UNC13A: variants seen among roughly 807,000 people sequenced by gnomAD.
The protein encoded by UNC13A is protein unc-13 homolog A.
UNC13A carries 61 observed loss-of-function variants against 219.7 expected under a neutral mutation model. The observed-to-expected ratio is 0.28, with a 90% CI of 0.23 to 0.34. The LOEUF (loss-of-function observed/expected upper bound fraction) is 0.34. UNC13A is among the 10% of genes least tolerant of loss of function. UNC13A has a pLI of 1.00. For missense variants in UNC13A, 1,476 were observed against 2,270.3 expected, an observed-to-expected ratio of 0.65 and a Z score of 7.11; for synonymous variants, 920 against 884.6, an observed-to-expected ratio of 1.04 and a Z score of -0.71.
intron 38 of UNC13A, 77 bp downstream of exon 38, chr19:17,620,616 G>A: frequency 1.4e-6 from 2 of 1,392,546 alleles, no homozygotes; most frequent in Admixed American, 4.1e-5. Context: ...ACGAACCACA[G>A]AGGTGGAAGG....
chr19:17,628,373 T>C (rs2076806261), intron 31 of UNC13A: 1 of 199,430 alleles, frequency 5.0e-6, no homozygotes, highest in South Asian at 8.7e-5. Flanking sequence ...CACTCAGACA[T>C]GCACAGCCAG....
chr19:17,623,616 G>A (rs976028304), intron 35 of UNC13A, 69 bp from the exon 36 acceptor site: 88 of 836,408 alleles, frequency 1.1e-4, no homozygotes, highest in Non-Finnish European at 1.4e-4. Context: ...TCCCGGGAAG[G>A]CCAGGGAGGG....
intron 26 of UNC13A, among the ~76,000 whole-genome samples, chr19:17,634,140 T>C (rs924176303): frequency 6.6e-6 from 1 of 152,146 alleles, no homozygotes; most frequent in African/African-American, 2.4e-5. Context: ...CATCCGTCCA[T>C]CCTTCCATCA....
intron 1 of UNC13A, among the ~76,000 whole-genome samples, chr19:17,679,150 C>A (rs10422436): frequency 0.17 from 25,882 of 151,712 alleles, 2,375 homozygotes; most frequent in South Asian, 0.26. Flanking sequence ...ATCTGTAATC[C>A]CAGCACTTTG....
At position 17,626,805 on chromosome 19, in the gene UNC13A, G is replaced by A. The variant is rs777060364; in HGVS notation, c.3921-20C>T. ...TGGAAGCTGGGGACACAGAAGGGAAGGGCTCAGACCACAGGAAGGGCTGGA... is the reference window on the plus strand; with the variant it reads ...TGGAAGCTGGGGACACAGAAGGGAAAGGCTCAGACCACAGGAAGGGCTGGA... On this transcript the variant is annotated intron_variant, in intron 33 of 43. Coordinates refer to ENST00000519716, the MANE Select transcript of UNC13A (RefSeq NM_001080421.3). The A allele has an allele frequency of 6.2e-7, 1 of 1,604,520 alleles. No individual in the cohort carries two copies. The highest frequency in any genetic ancestry group is 8.5e-7 in the Non-Finnish European group (1 of 1,173,922).
At chr19:17,616,282 C>T (rs2076661343) in intron 41 of UNC13A, 2 of 548,692 alleles carry the variant, frequency 3.6e-6, no homozygotes, top group Admixed American at 3.1e-5. Context: ...CCAAGCCGCT[C>T]AGGCCTGGGC....
At chr19:17,685,788 G>A (rs758563193) in intron 1 of UNC13A, among the ~76,000 whole-genome samples, 1 of 152,164 alleles carries the variant, frequency 6.6e-6, no homozygotes, top group Non-Finnish European at 1.5e-5. Context: ...ATGAATGTGT[G>A]TAGGGATTGG....
intron 38 of UNC13A, among the ~76,000 whole-genome samples, chr19:17,620,259 G>A (rs1469193561): frequency 3.9e-5 from 6 of 152,114 alleles, no homozygotes; most frequent in African/African-American, 1.4e-4. Flanking sequence ...AGGCTAGGTG[G>A]GGAGGGGGCC....
chr19:17,640,566 G>T lies in UNC13A; in HGVS notation c.2732C>A (p.Thr911Asn), dbSNP rs907813492. Residue 911 changes from threonine to asparagine, a missense_variant, in exon 22 of 44, where the codon ACC becomes AAC. Physicochemically the swap from Thr to Asn is moderately conservative, Grantham distance 65 (BLOSUM62 0). Around this residue, in one of 14 missense-constraint regions of UNC13A, gnomAD observed 140 missense variants for 270.9 expected, o/e 0.52. Transcript: ENST00000519716. ...GGCAGACACGTTGGTGGAGGCGGTG[G>T]TGTGTGCGTAGTAGGCATTGATGTT... Reference protein sequence around the residue: ...LANINAYYAHTTASTNVSASD... With the variant: ...LANINAYYAHNTASTNVSASD... The T allele has an allele frequency of 6.4e-7, 1 of 1,561,472 alleles. No homozygotes were observed. Among genetic ancestry groups the T allele is most frequent in the East Asian group, 2.4e-5 (1 of 41,974 alleles).
chr19:17,631,158 C>G (rs2076843294), intron 28 of UNC13A, among the ~76,000 whole-genome samples: 1 of 21,806 alleles, frequency 4.6e-5, no homozygotes, highest in Non-Finnish European at 1.2e-4. Context: ...TTGTTTTCTC[C>G]CTCCCTCCCT....
At chr19:17,660,854 T>A (rs1363513015) in intron 8 of UNC13A, among the ~76,000 whole-genome samples, 1 of 151,992 alleles carries the variant, frequency 6.6e-6, no homozygotes, top group Non-Finnish European at 1.5e-5. Context: ...GACCGTACTG[T>A]TCGTTTGTGG....
chr19:17,647,110 C>G (rs1775606245), intron 17 of UNC13A, among the ~76,000 whole-genome samples, 155 bp downstream of exon 17: 1 of 152,208 alleles, frequency 6.6e-6, no homozygotes, highest in South Asian at 2.1e-4. Flanking sequence ...CACGCATGTC[C>G]CCCCATATGC....
Position 17,627,542 on chromosome 19 carries a change from A to G in UNC13A, c.3887T>C (p.Val1296Ala), listed in dbSNP as rs758019281. The G allele has an allele frequency of 8.3e-6, 13 of 1,563,166 alleles. No homozygotes were observed. Among genetic ancestry groups the G allele is most frequent in the Non-Finnish European group, 1.1e-5 (13 of 1,153,202 alleles). The part of the protein sequence containing the change: ...LKELQVKLNN[V>A]LDELSRVFAT... Reference sequence around the variant, plus strand: ...AAACACCCGGCTGAGCTCATCCAAGACGTTATTGAGTTTCACCTGAAGCTC... The same window carrying G: ...AAACACCCGGCTGAGCTCATCCAAGGCGTTATTGAGTTTCACCTGAAGCTC... Residue 1296 changes from valine (V) to alanine (A), a missense_variant, in exon 33 of 44, where the codon GTC (valine) becomes GCC (alanine). Coordinates refer to ENST00000519716, the MANE Select transcript of UNC13A (RefSeq NM_001080421.3). This position sits in a 1 kb window ranked among gnomAD's most constrained non-coding sequence, Gnocchi z 4.7.
intron 11 of UNC13A, 59 bp from the exon 12 acceptor site, chr19:17,652,736 G>A (rs1477989280): frequency 5.0e-6 from 8 of 1,598,188 alleles, no homozygotes; most frequent in Admixed American, 1.7e-5. Flanking sequence ...CCCAGAGCAG[G>A]CTCCACACCC....
chr19:17,611,034 T>TA (rs1327379692), intron 42 of UNC13A, among the ~76,000 whole-genome samples: 3 of 152,012 alleles, frequency 2.0e-5, no homozygotes, highest in East Asian at 3.9e-4. Flanking sequence ...CTCTGGCCTC[T>TA]AAAACAAACA....
intron 20 of UNC13A, among the ~76,000 whole-genome samples, chr19:17,641,882 C>T (rs547809104): frequency 6.6e-6 from 1 of 152,066 alleles, no homozygotes; most frequent in Non-Finnish European, 1.5e-5. Context: ...TTTATCCAAC[C>T]ATCCATTTTT....
Position 17,674,895 on chromosome 19 carries a change from G to T in UNC13A, c.53-139C>A. On this transcript the variant is annotated intron_variant, in intron 2 of 43. Transcript: ENST00000519716. The surrounding 1 kb of genome is among the most constrained non-coding windows in gnomAD (Gnocchi z 5.0). Reference sequence around the variant, plus strand: ...CCTAACCCACAACCCCACCCTCAGGGCACAAGGGAGGGGCCTCAGTGTGGG... The same window carrying T: ...CCTAACCCACAACCCCACCCTCAGGTCACAAGGGAGGGGCCTCAGTGTGGG... 1.5e-6 allele frequency: 1 copy of T among 655,422 alleles called. No individual in the cohort carries two copies. Among genetic ancestry groups the T allele is most frequent in the East Asian group, 2.8e-5 (1 of 35,348 alleles). 40.6% of individuals were successfully genotyped at this position (655,422 alleles called of 1,614,324 possible).
chr19:17,662,272 G>A (rs897888005), intron 8 of UNC13A, among the ~76,000 whole-genome samples: 1 of 151,822 alleles, frequency 6.6e-6, no homozygotes, highest in African/African-American at 2.4e-5. Context: ...TCTCACGGGA[G>A]CGTGAACCCT....
Position 17,639,158 on chromosome 19 carries a change from G to A in UNC13A, c.3006C>T (p.Ala1002=), listed in dbSNP as rs1207517456. ...ASQVVKDCVK[A]CLNSTYEYIF... ...TGTACTCGTAGGTAGAATTAAGGCA[G>A]GCTTTCACACAGTCCTTTACCACCT... Residue 1002 remains alanine (A), a synonymous_variant, in exon 25 of 44, where the codon GCC becomes GCT. Coordinates refer to ENST00000519716, the MANE Select transcript of UNC13A (RefSeq NM_001080421.3). The A allele has an allele frequency of 6.8e-6, 11 of 1,613,986 alleles. No homozygotes were observed. The highest frequency in any genetic ancestry group is 1.1e-5 in the South Asian group (1 of 91,076).
Sources: gnomAD v4.1 joint callset for allele counts (sites outside exome capture counted in the v4.1 genomes callset) on GRCh38, gnomAD v4.1.1 for gene constraint, gnomAD v4.1.1 regional missense constraint, Gnocchi (gnomAD v3.1) non-coding constraint, MANE v1.5 for transcripts, NCBI Gene and HGNC (gene_info 2026-07-23, HGNC 2026-07-21) for gene names.